CPLANE1: variants seen among roughly 807,000 people sequenced by gnomAD.
CPLANE1 encodes ciliogenesis and planar polarity effector complex subunit 1.
A neutral mutation model predicts 362.5 loss-of-function variants in CPLANE1; 263 were observed. The observed-to-expected ratio is 0.73, with a 90% confidence interval of 0.66 to 0.80. The LOEUF (loss-of-function observed/expected upper bound fraction) is 0.80. CPLANE1 is among the 30% of genes least tolerant of loss of function. CPLANE1 has a pLI of 0.00. For missense variants in CPLANE1, 3,461 were observed against 3,793.4 expected (o/e 0.91, Z 2.30); for synonymous variants, 1,212 against 1,302.6 (o/e 0.93, Z 1.50).
the CPLANE1 span, among the ~76,000 whole-genome samples, chr5:37,077,588 T>TTG: frequency 3.6e-3 from 517 of 145,572 alleles, 3 homozygotes; most frequent in Middle Eastern, 0.014. Context: ...ATCAAGAAAC[T>TTG]TGTGTGTGTG....
At chr5:37,153,363 T>C (rs1774113154) in intron 42 of CPLANE1, among the ~76,000 whole-genome samples, 1 of 152,184 alleles carries the variant, frequency 6.6e-6, no homozygotes, top group Non-Finnish European at 1.5e-5. Flanking sequence ...TCCAACTCAT[T>C]TTATGATAAT....
At chr5:37,094,062 C>T in the CPLANE1 span, among the ~76,000 whole-genome samples, 1 of 152,208 alleles carries the variant, frequency 6.6e-6, no homozygotes, top group African/African-American at 2.4e-5. Context: ...TGATTACCCT[C>T]TAATGGTGTT....
In CPLANE1 at chr5:37,176,623, G is replaced by A. The variant is rs540450025; in HGVS notation, c.5901-637C>T. On this transcript the variant is annotated intron_variant, in intron 30 of 52. Coordinates refer to ENST00000651892, the MANE Select transcript of CPLANE1 (RefSeq NM_001384732.1). ...TCTCTCTCTTCTTGGGTAATTTTCC[G>A]AAGGAATCATTTTTATGAATAGAAG... is the stretch of plus-strand genomic sequence containing the variant. 9.2e-5 allele frequency among the ~76,000 whole-genome samples: 14 copies of A among 152,186 alleles called. No individual in the cohort carries two copies. The East Asian group carries it at 1.4e-3, about 15-fold the overall frequency.
At chr5:37,164,182 G>T in intron 37 of CPLANE1, 91 bp downstream of exon 37, 2 of 974,444 alleles carry the variant, frequency 2.1e-6, no homozygotes, top group Non-Finnish European at 3.2e-6. Context: ...GGGCAGAAAT[G>T]TAGGTAGCCT....
At position 37,111,202 on chromosome 5, in the gene CPLANE1, G is replaced by C. The variant is rs28532033; in HGVS notation, c.9401-2731C>G. ...GTGGCATGATCTCGGCTCACTGCAAGCTCCACCTCCCGGGTTCACACCATT... is the reference window on the plus strand; with the variant it reads ...GTGGCATGATCTCGGCTCACTGCAACCTCCACCTCCCGGGTTCACACCATT... On this transcript the variant is annotated intron_variant, in intron 51 of 52. Transcript: ENST00000651892. Among the ~76,000 whole-genome samples the C allele has an allele frequency of 7.4e-3, 1,074 of 145,592 alleles. 17 individuals are homozygous for C. The highest frequency in any genetic ancestry group is 0.029 in the Admixed American group (428 of 14,638).
chr5:37,084,771 TAAAAAAAGATATCTTTTTTTTTAAAA>T, the CPLANE1 span, among the ~76,000 whole-genome samples: 19 of 150,454 alleles, frequency 1.3e-4, no homozygotes, highest in African/African-American at 3.9e-4. Context: ...ACTCTGTCTT[TAAAAAAAGATATCTTTTTTTTTAAAA>T]AAAAAAAGAT....
chr5:37,135,703 C>T (rs1341503292), intron 46 of CPLANE1, among the ~76,000 whole-genome samples: 1 of 151,932 alleles, frequency 6.6e-6, no homozygotes, highest in Non-Finnish European at 1.5e-5. Context: ...CGTGGTGGCA[C>T]GTGCCTGTAA....
At chr5:37,194,514 AATGAAGAGTCTATGAAACTAAGCTC>A (rs1180567402) in intron 21 of CPLANE1, among the ~76,000 whole-genome samples, 1 of 152,098 alleles carries the variant, frequency 6.6e-6, no homozygotes, top group Non-Finnish European at 1.5e-5. Context: ...TTGTTACGTG[AATGAAGAGTCTATGAAACTAAGCTC>A]ATGACAGGTG....
At chr5:37,222,556 A>G (rs1453522569) in intron 14 of CPLANE1, among the ~76,000 whole-genome samples, 1 of 152,230 alleles carries the variant, frequency 6.6e-6, no homozygotes, top group Non-Finnish European at 1.5e-5. Flanking sequence ...AGCCACTGCT[A>G]CTTTCAATCT....
In CPLANE1 at chr5:37,184,772, A is replaced by C. The variant is rs1485294215; in HGVS notation, c.4481+16T>G. ...AAAGGAAGTGAATGCCAGTGATTAA[A>C]AGATCTCAATTGTACCTTTGATAGA... On this transcript the variant is annotated intron_variant, in intron 25 of 52. Transcript: ENST00000651892. The C allele has an allele frequency of 6.3e-7, 1 of 1,590,088 alleles. No homozygotes were observed. Among genetic ancestry groups the C allele is most frequent in the Admixed American group, 1.8e-5 (1 of 56,094 alleles).
At position 37,107,188 on chromosome 5, in the gene CPLANE1, G is replaced by A. The variant is rs1757787978; in HGVS notation, c.*414C>T. The A allele has an allele frequency of 1.0e-6, 1 of 985,878 alleles. No individual in the cohort carries two copies. The highest frequency in any genetic ancestry group is 1.7e-5 in the African/African-American group (1 of 57,220). 61.1% of individuals were successfully genotyped at this position (985,878 alleles called of 1,614,324 possible). ...CATAATTGAGTTCTCAGGTGAGACT[G>A]ATTTTCTTCTCAATGAAAAGATTTT... On this transcript the variant is annotated 3_prime_UTR_variant, in exon 53 of 53. Coordinates refer to ENST00000651892, the MANE Select transcript of CPLANE1 (RefSeq NM_001384732.1).
At chr5:37,241,113 G>A (rs750335332) in intron 6 of CPLANE1, among the ~76,000 whole-genome samples, 19 of 151,746 alleles carry the variant, frequency 1.3e-4, no homozygotes, top group Non-Finnish European at 2.6e-4. Context: ...TCCAGCCTGG[G>A]CAACAGAGTG....
chr5:37,178,489 G>A (rs1781813171), intron 29 of CPLANE1, among the ~76,000 whole-genome samples: 1 of 147,462 alleles, frequency 6.8e-6, no homozygotes, highest in African/African-American at 2.5e-5. Context: ...TGCACCTATA[G>A]TAAGACCCAG....
At chr5:37,193,588 G>A (rs868608472) in intron 21 of CPLANE1, among the ~76,000 whole-genome samples, 2 of 151,670 alleles carry the variant, frequency 1.3e-5, no homozygotes, top group Non-Finnish European at 1.5e-5. Flanking sequence ...CCAGGAGATG[G>A]AGGTTACAGT....
At chr5:37,090,692 T>G in the CPLANE1 span, among the ~76,000 whole-genome samples, 1 of 152,188 alleles carries the variant, frequency 6.6e-6, no homozygotes, top group Non-Finnish European at 1.5e-5. Context: ...ACCACATAAT[T>G]CAATCACTCG....
intron 47 of CPLANE1, 112 bp downstream of exon 47, chr5:37,125,132 T>C: frequency 7.1e-7 from 1 of 1,405,398 alleles, no homozygotes; most frequent in Non-Finnish European, 9.6e-7. Context: ...TACTTTTCTA[T>C]ATGCCAAATT....
chr5:37,246,925 A>T (rs1739881847), intron 2 of CPLANE1, among the ~76,000 whole-genome samples: 3 of 152,132 alleles, frequency 2.0e-5, no homozygotes, highest in Non-Finnish European at 4.4e-5. Flanking sequence ...AAAATAAAAA[A>T]ATACAAAATA....
In CPLANE1 at chr5:37,153,817, G is replaced by A. The variant is rs1359801880; in HGVS notation, c.8296C>T (p.Leu2766=). 6.2e-7 allele frequency: 1 copy of A among 1,614,044 alleles called. No homozygotes were observed. The highest frequency in any genetic ancestry group is 1.7e-5 in the Admixed American group (1 of 59,992). ...TTTTCAGCAATGTTCTGTATTGCTA[G>A]CAACTGCTCGTCAATTTTCTGAAGC... ...AKLQKIDEQL[L]AIQNIAENIE... The change falls in exon 42 of 53, where the codon CTA becomes TTA. Residue 2766 remains leucine (L), a synonymous_variant. Coordinates refer to ENST00000651892, the MANE Select transcript of CPLANE1 (RefSeq NM_001384732.1).
At chr5:37,206,633 C>A (rs1363024749) in intron 16 of CPLANE1, among the ~76,000 whole-genome samples, 1 of 151,064 alleles carries the variant, frequency 6.6e-6, no homozygotes, top group African/African-American at 2.4e-5. Flanking sequence ...GAAACAAATG[C>A]CAGCATTATT....
Sources: allele counts gnomAD v4.1 joint callset (sites outside exome capture counted in the v4.1 genomes callset), GRCh38; gene constraint gnomAD v4.1.1; transcripts MANE v1.5; gene names NCBI Gene and HGNC (gene_info 2026-07-23, HGNC 2026-07-21).